SPAG5: variants seen among roughly 807,000 people sequenced by gnomAD.
SPAG5 encodes sperm-associated antigen 5.
Under a neutral mutation model 145.4 loss-of-function variants are expected in SPAG5, and 99 were observed. The ratio of observed to expected loss-of-function variants is 0.68; its 90% CI spans 0.58 to 0.80. The LOEUF is 0.80. Ranked by LOEUF, SPAG5 falls within the 30% of genes least tolerant of loss-of-function variation. The probability of loss-of-function intolerance (pLI) is 0.00; values close to 1 mark genes in which losing one functional copy is unlikely to be tolerated. For synonymous variants in SPAG5, 477 were observed against 525.4 expected (o/e 0.91, Z 1.26); for missense variants, 1,192 against 1,416.0 (o/e 0.84, Z 2.54).
In SPAG5 at chr17:28,578,061, G is replaced by A; in HGVS notation, c.3459C>T (p.Arg1153=). ...HRNILEENLR[R]SDKELEKLDD... is the part of the protein sequence containing the mutation. Reference sequence around the variant, plus strand: ...CTAGTTTTTCTAACTCCTTGTCAGAGCGCCGAAGGTTCTCCTCTAGGATAT... The same window carrying A: ...CTAGTTTTTCTAACTCCTTGTCAGAACGCCGAAGGTTCTCCTCTAGGATAT... The change falls in exon 23 of 24, where the codon CGC becomes CGT. Residue 1153 remains arginine, a synonymous_variant. Coordinates refer to ENST00000321765, the MANE Select transcript of SPAG5 (RefSeq NM_006461.4). 3 of 1,614,154 alleles carry A rather than the reference G, an allele frequency of 1.9e-6. No individual in the cohort carries two copies. The highest frequency in any genetic ancestry group is 2.5e-6 in the Non-Finnish European group (3 of 1,179,986).
In SPAG5 at chr17:28,585,633, A is replaced by G. The variant is rs2070579627; in HGVS notation, c.1761T>C (p.Ala587=). The part of the protein sequence containing the change: ...GKDAAEIVLE[A]FCAHASQRIS... ...TGCGCTGGCTGGCGTGTGCACAGAA[A>G]GCCTCCAACACTATCTCTGCCTATT... The change falls in exon 8 of 24, where the codon GCT becomes GCC. Residue 587 remains alanine, a synonymous_variant. Transcript: ENST00000321765. 2.5e-6 allele frequency: 4 copies of G among 1,613,842 alleles called. 1 individual carries two copies. The highest frequency in any genetic ancestry group is 3.3e-5 in the Admixed American group (2 of 60,006).
At position 28,580,006 on chromosome 17, in the gene SPAG5, A is replaced by T. The variant is rs1290402382; in HGVS notation, c.2797+3T>A. The stretch of plus-strand genomic sequence containing the variant: ...CCCACCCCCAAATCCCAGGGCCTTT[A>T]ACCTTCATCTGCCACTGCTGTCAAG... On this transcript the variant is annotated splice_donor_region_variant and intron_variant, in intron 16 of 23. Transcript: ENST00000321765. The T allele has an allele frequency of 6.2e-7, 1 of 1,611,424 alleles. No individual in the cohort carries two copies. Among genetic ancestry groups the T allele is most frequent in the Admixed American group, 1.7e-5 (1 of 59,918 alleles).
rs1407406895 is a variant in SPAG5 at position 28,598,577 on chromosome 17, G to A, written c.110C>T (p.Thr37Ile). 5 of 1,613,644 alleles carry A rather than the reference G, an allele frequency of 3.1e-6. No individual in the cohort carries two copies. The African/African-American group carries it at 5.3e-5, about 17-fold the overall frequency. The change falls in exon 2 of 24, where the codon ACC (threonine) becomes ATC (isoleucine). Residue 37 changes from threonine (T) to isoleucine (I), a missense_variant. Around this residue, in one of 5 missense-constraint regions of SPAG5, gnomAD observed 329 missense variants for 354.0 expected, o/e 0.93. Coordinates refer to ENST00000321765, the MANE Select transcript of SPAG5 (RefSeq NM_006461.4). ...AGCGGGGGATCTTTTTCCAGAGTTG[G>A]TGAGGGCACCGGGCTGCAGGGTAAG... is the stretch of plus-strand genomic sequence containing the variant. The part of the protein sequence containing the change: ...RELTLQPGAL[T>I]NSGKRSPACS...
chr17:28,578,824 G>C (rs2070527455), intron 19 of SPAG5, 72 bp from the exon 20 acceptor site: 1 of 1,236,578 alleles, frequency 8.1e-7, no homozygotes, highest in East Asian at 2.3e-5. Context: ...GGAGGTAGGA[G>C]AGAGTGCCTG....
Position 28,580,113 on chromosome 17 carries a change from T to C in SPAG5, c.2693A>G (p.Gln898Arg), listed in dbSNP as rs990483927. ...LQTKLKEKTE[Q>R]ETLLLSTACP... ...GGCTGTACTCAGCAGAAGGGTCTCT[T>C]GTTCAGTCTAAGGGCAAAGAAGAAA... is the stretch of plus-strand genomic sequence containing the variant. The change falls in exon 16 of 24, where the codon CAA (glutamine) becomes CGA (arginine). Residue 898 changes from glutamine (Q) to arginine (R), a missense_variant. Gln to Arg is a conservative substitution (Grantham distance 43). This residue lies in a region of SPAG5 where 709 missense variants were observed against 840.7 expected (regional missense o/e 0.84). Coordinates refer to ENST00000321765, the MANE Select transcript of SPAG5 (RefSeq NM_006461.4). 17 of 1,613,142 alleles carry C rather than the reference T, an allele frequency of 1.1e-5. No individual in the cohort carries two copies. Among genetic ancestry groups the C allele is most frequent in the Non-Finnish European group, 1.4e-5 (17 of 1,179,420 alleles).
Position 28,578,720 on chromosome 17 carries a change from C to T in SPAG5, c.3150G>A (p.Gln1050=). ...TCTGTTCTAGGATCTTCTCATTCTG[C>T]TGCTGTATCACTTCCTGGAGCTCCT... ...NEKELQEVIQ[Q]QNEKILEQID... is the part of the protein sequence containing the mutation. The change falls in exon 20 of 24, where the codon CAG becomes CAA. Residue 1050 remains glutamine (Q), a synonymous_variant. Coordinates refer to ENST00000321765, the MANE Select transcript of SPAG5 (RefSeq NM_006461.4). The T allele has an allele frequency of 6.2e-7, 1 of 1,613,994 alleles. No individual in the cohort carries two copies. Among genetic ancestry groups the T allele is most frequent in the Non-Finnish European group, 8.5e-7 (1 of 1,179,894 alleles).
chr17:28,586,552 G>T, intron 4 of SPAG5, 53 bp from the exon 5 acceptor site: 1 of 1,457,978 alleles, frequency 6.9e-7, no homozygotes. Flanking sequence ...TTGTTTTTGA[G>T]ACAGAGTCTT....
intron 20 of SPAG5, 21 bp from the exon 21 acceptor site, chr17:28,578,549 G>A (rs202031021): frequency 1.5e-4 from 241 of 1,609,494 alleles, no homozygotes; most frequent in Admixed American, 2.5e-4. Context: ...GAATGGAGAG[G>A]TGTCCAATAG....
intron 2 of SPAG5, 101 bp from the exon 3 acceptor site, chr17:28,593,167 T>G: frequency 8.8e-6 from 12 of 1,366,636 alleles, no homozygotes; most frequent in Non-Finnish European, 1.0e-5. Context: ...AAAGAATTCT[T>G]ACTACCTCTG....
Position 28,597,036 on chromosome 17 carries a change from G to A in SPAG5, c.177+1474C>T, listed in dbSNP as rs981954274. Among the ~76,000 whole-genome samples the A allele has an allele frequency of 2.6e-5, 4 of 151,794 alleles. No homozygotes were observed. The South Asian group carries it at 6.3e-4, about 24-fold the overall frequency. On this transcript the variant is annotated intron_variant, in intron 2 of 23. Coordinates refer to ENST00000321765, the MANE Select transcript of SPAG5 (RefSeq NM_006461.4). ...CGGGAGGCAGAGGTTGCGGTGAGCC[G>A]AGATCGCGCCATTGGACTCCAACCT...
In SPAG5 at chr17:28,584,457, G is replaced by A; in HGVS notation, c.2185C>T (p.Leu729=). ...ATDLRAQLQI[L]ANMDSQLKEL... ...TTTAGCTGGCTGTCCATGTTGGCCA[G>A]AATCTGCAACTGAGCCCGGAGATCT... Residue 729 remains leucine (L), a synonymous_variant, in exon 12 of 24, where the codon CTG becomes TTG. Transcript: ENST00000321765. 1 of 1,613,942 alleles carries A rather than the reference G, an allele frequency of 6.2e-7. No homozygotes were observed. The highest frequency in any genetic ancestry group is 8.5e-7 in the Non-Finnish European group (1 of 1,180,028).
intron 2 of SPAG5, among the ~76,000 whole-genome samples, chr17:28,596,825 G>A (rs1345063312): frequency 6.6e-6 from 1 of 152,144 alleles, no homozygotes; most frequent in East Asian, 1.9e-4. Flanking sequence ...AAAAATTCAG[G>A]CCGGGCACAG....
At chr17:28,579,528 T>A in intron 17 of SPAG5, 43 bp from the exon 18 acceptor site, 1 of 1,601,794 alleles carries the variant, frequency 6.2e-7, no homozygotes, top group Non-Finnish European at 8.5e-7. Flanking sequence ...CTTCCAGCCC[T>A]GGAAGGAAGG....
rs750691495 is a variant in SPAG5 at position 28,592,575 on chromosome 17, A to C, written c.669T>G (p.Ser223Arg). 24 of 1,614,104 alleles carry C rather than the reference A, an allele frequency of 1.5e-5. No homozygotes were observed. Among genetic ancestry groups the C allele is most frequent in the Non-Finnish European group, 1.9e-5 (22 of 1,180,050 alleles). Reference sequence around the variant, plus strand: ...AGTCCTCACGCACAGCCTCAGTTCTACTGCTCAGGCTTTCCTTGGAGCAAT... The same window carrying C: ...AGTCCTCACGCACAGCCTCAGTTCTCCTGCTCAGGCTTTCCTTGGAGCAAT... ...QLHCSKESLS[S>R]RTEAVREDLV... is the part of the protein sequence containing the mutation. Residue 223 changes from serine to arginine, a missense_variant, in exon 3 of 24, where the codon AGT becomes AGG. Coordinates refer to ENST00000321765, the MANE Select transcript of SPAG5 (RefSeq NM_006461.4).
chr17:28,583,138 T>C (rs574796201), intron 15 of SPAG5, among the ~76,000 whole-genome samples: 11 of 152,298 alleles, frequency 7.2e-5, no homozygotes, highest in African/African-American at 2.4e-4. Flanking sequence ...ACACTACACC[T>C]GGGCTAATTT....
Position 28,578,018 on chromosome 17 carries a change from T to C in SPAG5, c.3502A>G (p.Ile1168Val), listed in dbSNP as rs989756941. 8.1e-6 allele frequency: 13 copies of C among 1,613,446 alleles called. No homozygotes were observed. The highest frequency in any genetic ancestry group is 1.0e-5 in the Non-Finnish European group (12 of 1,179,454). Reference protein sequence around the residue: ...LEKLDDIVQHIYKTLLSIPEV... With the variant: ...LEKLDDIVQHVYKTLLSIPEV... ...CTCCCTCCTGCCTATACCTTATAAA[T>C]ATGCTGAACAATGTCATCTAGTTTT... Residue 1168 changes from isoleucine to valine, a missense_variant, in exon 23 of 24, where the codon ATT (isoleucine) becomes GTT (valine). Physicochemically the swap from Ile to Val is conservative, Grantham distance 29. Around this residue, in one of 5 missense-constraint regions of SPAG5, gnomAD observed 709 missense variants for 840.7 expected, o/e 0.84. Transcript: ENST00000321765.
chr17:28,591,881 G>GA lies in SPAG5; in HGVS notation c.1263-10dup. 6.2e-7 allele frequency: 1 copy of GA among 1,613,220 alleles called. No homozygotes were observed. Among genetic ancestry groups the GA allele is most frequent in the Non-Finnish European group, 8.5e-7 (1 of 1,179,380 alleles). On this transcript the variant is annotated splice_polypyrimidine_tract_variant and intron_variant, in intron 3 of 23. Coordinates refer to ENST00000321765, the MANE Select transcript of SPAG5 (RefSeq NM_006461.4). ...TCAGATCTGGAGGCCGGCTGCAGCA[G>GA]AAAGAGAAGAACATGACGAAAAGAA...
At chr17:28,580,850 TTCCA>T (rs2070545265) in intron 15 of SPAG5, 1 of 152,234 alleles carries the variant, frequency 6.6e-6, no homozygotes, top group African/African-American at 2.4e-5. Context: ...TGAATGACTC[TTCCA>T]TCCCTCTCTC....
rs1464562623 is a variant in SPAG5 at position 28,585,573 on chromosome 17, C to T, written c.1821G>A (p.Arg607=). ...SQLEQDLASM[R]EFRGLLKDAQ... ...CATCCTTCAGAAGGCCTCTGAATTCCCGCATGGATGCTAGGTCCTGTTCCA... is the reference window on the plus strand; with the variant it reads ...CATCCTTCAGAAGGCCTCTGAATTCTCGCATGGATGCTAGGTCCTGTTCCA... The change falls in exon 8 of 24, where the codon CGG becomes CGA. Residue 607 remains arginine (R), a synonymous_variant. Coordinates refer to ENST00000321765, the MANE Select transcript of SPAG5 (RefSeq NM_006461.4). 6 of 1,614,002 alleles carry T rather than the reference C, an allele frequency of 3.7e-6. No individual in the cohort carries two copies. The highest frequency in any genetic ancestry group is 5.1e-6 in the Non-Finnish European group (6 of 1,180,034).
Sources: allele counts gnomAD v4.1 joint callset (sites outside exome capture counted in the v4.1 genomes callset), GRCh38; gene constraint gnomAD v4.1.1; regional missense constraint gnomAD v4.1.1; transcripts MANE v1.5; gene names NCBI Gene and HGNC (gene_info 2026-07-23, HGNC 2026-07-21).